The following RNF111 variants were observed in gnomAD, a reference collection of about 807,000 sequenced individuals.
RNF111 encodes ring finger protein 111, also known as E3 ubiquitin-protein ligase Arkadia.
RNF111 carries 17 observed loss-of-function variants against 95.1 expected under a neutral mutation model. The observed-to-expected ratio is 0.18, with a 90% confidence interval of 0.12 to 0.27. The LOEUF is 0.27. Ranked by LOEUF, RNF111 falls within the 10% of genes least tolerant of loss-of-function variation. The pLI, the probability that RNF111 is intolerant of heterozygous loss-of-function variation, is 1.00. For synonymous variants in RNF111, 440 were observed against 414.8 expected, an observed-to-expected ratio of 1.06 and a Z score of -0.74; for missense variants, 1,189 against 1,210.4, an observed-to-expected ratio of 0.98 and a Z score of 0.26.
intron 6 of RNF111, among the ~76,000 whole-genome samples, chr15:59,069,173 T>C (rs1052322993): frequency 2.6e-5 from 4 of 151,970 alleles, no homozygotes; most frequent in Non-Finnish European, 5.9e-5. Flanking sequence ...ATTAAAGAGA[T>C]TTTAGATGTC....
At chr15:59,076,290 C>T (rs1322396369) in intron 7 of RNF111, 75 bp downstream of exon 7, 1 of 1,491,330 alleles carries the variant, frequency 6.7e-7, no homozygotes, top group Admixed American at 1.9e-5. Flanking sequence ...ATGAAATAAC[C>T]TTTAATCCCA....
chr15:59,047,065 C>G (rs1869188704), intron 2 of RNF111, among the ~76,000 whole-genome samples: 1 of 151,866 alleles, frequency 6.6e-6, no homozygotes, highest in South Asian at 2.1e-4. Context: ...TCAAGCAATC[C>G]ACTTACCTCA....
rs1213199809 is a variant in RNF111 at position 59,095,272 on chromosome 15, T to A, written c.*372T>A. 2 of 191,912 alleles carry A rather than the reference T, an allele frequency of 1.0e-5. No homozygotes were observed. Among genetic ancestry groups the A allele is most frequent in the African/African-American group, 4.8e-5 (2 of 41,732 alleles). 11.9% of individuals were successfully genotyped at this position (191,912 alleles called of 1,614,324 possible). On this transcript the variant is annotated 3_prime_UTR_variant, in exon 14 of 14. Transcript: ENST00000348370. ...TTTTTTACATAGTACCAAGCCTTGA[T>A]AATTATGAATTTTTTATCCATTACT...
At position 59,031,664 on chromosome 15, in the gene RNF111, C is replaced by A; in HGVS notation, c.842C>A (p.Ala281Asp). 6.2e-7 allele frequency: 1 copy of A among 1,614,026 alleles called. No homozygotes were observed. Among genetic ancestry groups the A allele is most frequent in the South Asian group, 1.1e-5 (1 of 91,046 alleles). The change falls in exon 2 of 14, where the codon GCC becomes GAC. Residue 281 changes from alanine (A) to aspartate (D), a missense_variant. Ala to Asp is a moderately radical substitution (Grantham distance 126). Around this residue, in one of 2 missense-constraint regions of RNF111, gnomAD observed 1,024 missense variants for 925.9 expected, o/e 1.11. Coordinates refer to ENST00000348370, the MANE Select transcript of RNF111 (RefSeq NM_017610.8). ...TEGEEDLFVS[A>D]SENHQNNPAV... ...GGAGAAGAAGATTTGTTTGTTTCTG[C>A]CAGTGAAAACCACCAAAACAATCCA...
chr15:59,037,579 G>A (rs2041239919), intron 2 of RNF111, among the ~76,000 whole-genome samples: 1 of 152,178 alleles, frequency 6.6e-6, no homozygotes. Context: ...GCTCACACCT[G>A]TAATCTCAGC....
intron 1 of RNF111, among the ~76,000 whole-genome samples, chr15:59,018,559 A>C (rs1217590347): frequency 6.6e-6 from 1 of 152,186 alleles, no homozygotes; most frequent in Non-Finnish European, 1.5e-5. Context: ...TAGAAAAAAA[A>C]CAAACTATAT....
intron 6 of RNF111, among the ~76,000 whole-genome samples, chr15:59,069,491 C>G (rs1177646438): frequency 6.6e-6 from 1 of 152,122 alleles, no homozygotes; most frequent in East Asian, 1.9e-4. Flanking sequence ...ATGTATACAA[C>G]TTTTTATTTC....
chr15:59,003,796 C>T (rs1200785723), intron 1 of RNF111, among the ~76,000 whole-genome samples: 1 of 152,286 alleles, frequency 6.6e-6, no homozygotes, highest in African/African-American at 2.4e-5. Flanking sequence ...CTTTCTATGT[C>T]CTGTTCGTGG....
In RNF111 at chr15:59,058,543, T is replaced by C. The variant is rs1419321350; in HGVS notation, c.1359T>C (p.Ser453=). 4 of 1,613,828 alleles carry C rather than the reference T, an allele frequency of 2.5e-6. No individual in the cohort carries two copies. The highest frequency in any genetic ancestry group is 4.5e-5 in the East Asian group (2 of 44,874). Residue 453 remains serine, a synonymous_variant, in exon 5 of 14, where the codon TCT becomes TCC. Coordinates refer to ENST00000348370, the MANE Select transcript of RNF111 (RefSeq NM_017610.8). The stretch of plus-strand genomic sequence containing the variant: ...CAAGCAATAGTACCACTGGCACTTC[T>C]ATAGGAGGTATGTAAAAAAGTGGGG... ...TLTSNSTTGT[S]IGDDSRRTTS...
Position 59,066,926 on chromosome 15 carries a change from A to T in RNF111, c.1529A>T (p.His510Leu). The change falls in exon 6 of 14, where the codon CAC becomes CTC. Residue 510 changes from histidine (H) to leucine (L), a missense_variant. Transcript: ENST00000348370. ...ACAAGTTGCTTTCAGCAGCATGGTC[A>T]CCATTTTCAACATCATCACCACCAC... Reference protein sequence around the residue: ...PHTSCFQQHGHHFQHHHHHHH... With the variant: ...PHTSCFQQHGLHFQHHHHHHH... 6.2e-7 allele frequency: 1 copy of T among 1,614,028 alleles called. No homozygotes were observed. The highest frequency in any genetic ancestry group is 8.5e-7 in the Non-Finnish European group (1 of 1,179,992).
chr15:59,009,285 G>A (rs1487356009), intron 1 of RNF111, among the ~76,000 whole-genome samples: 1 of 151,948 alleles, frequency 6.6e-6, no homozygotes, highest in Non-Finnish European at 1.5e-5. Context: ...CATGTTATCA[G>A]CTTTGGGAGG....
intron 1 of RNF111, among the ~76,000 whole-genome samples, chr15:58,988,828 CTTGAT>C (rs1441011391): frequency 6.6e-6 from 1 of 152,112 alleles, no homozygotes; most frequent in African/African-American, 2.4e-5. Flanking sequence ...TTTCCTGTTT[CTTGAT>C]TTATGTGCGG....
At chr15:59,075,318 C>G (rs1250331053) in intron 6 of RNF111, among the ~76,000 whole-genome samples, 6 of 152,134 alleles carry the variant, frequency 3.9e-5, no homozygotes, top group Admixed American at 3.9e-4. Flanking sequence ...ATAAATATGC[C>G]TATAAAAGGA....
At chr15:58,999,804 G>T (rs1401971955) in intron 1 of RNF111, among the ~76,000 whole-genome samples, 1 of 152,164 alleles carries the variant, frequency 6.6e-6, no homozygotes, top group Non-Finnish European at 1.5e-5. Flanking sequence ...TATAGGAAGC[G>T]TGGCAGCATC....
At chr15:59,016,857 T>C (rs969355298) in intron 1 of RNF111, among the ~76,000 whole-genome samples, 2 of 152,124 alleles carry the variant, frequency 1.3e-5, no homozygotes, top group Non-Finnish European at 2.9e-5. Flanking sequence ...CTGCTTGAGT[T>C]CTGCTTCCTG....
At chr15:59,070,756 A>G (rs148490740) in intron 6 of RNF111, among the ~76,000 whole-genome samples, 282 of 152,136 alleles carry the variant, frequency 1.9e-3, no homozygotes, top group African/African-American at 6.5e-3. Context: ...TTTTGTTTCT[A>G]TTATTCCCCC....
At chr15:59,088,638 C>CT (rs2078964215) in intron 10 of RNF111, among the ~76,000 whole-genome samples, 1 of 152,168 alleles carries the variant, frequency 6.6e-6, no homozygotes, top group East Asian at 1.9e-4. Context: ...TCCTAATACT[C>CT]TCACTATGCA....
chr15:59,089,519 G>T, intron 10 of RNF111, 148 bp from the exon 11 acceptor site: 1 of 628,662 alleles, frequency 1.6e-6, no homozygotes. Context: ...GTTACAGAAT[G>T]CTTAGTTGGA....
chr15:59,011,918 T>C (rs2039834236), intron 1 of RNF111, among the ~76,000 whole-genome samples: 2 of 151,704 alleles, frequency 1.3e-5, no homozygotes, highest in Non-Finnish European at 2.9e-5. Context: ...ACTACCAAAC[T>C]AGGATTGTCA....
Sources: gnomAD v4.1 joint callset for allele counts (sites outside exome capture counted in the v4.1 genomes callset) on GRCh38, gnomAD v4.1.1 for gene constraint, gnomAD v4.1.1 regional missense constraint, MANE v1.5 for transcripts, NCBI Gene and HGNC (gene_info 2026-07-23, HGNC 2026-07-21) for gene names.